PRMT7: variants seen among roughly 807,000 people sequenced by gnomAD.
PRMT7 encodes the protein protein arginine methyltransferase 7, also known as protein arginine N-methyltransferase 7.
In PRMT7, 75 loss-of-function variants were observed where a neutral mutation model predicts 85.4. That is an observed-to-expected ratio of 0.88 (90% CI 0.73 to 1.06). The LOEUF is 1.06. PRMT7 is among the 50% of genes least tolerant of loss of function. PRMT7 has a pLI of 0.00. For missense variants in PRMT7, 868 were observed against 915.2 expected (o/e 0.95, Z 0.67); for synonymous variants, 397 against 359.5 (o/e 1.10, Z -1.18).
downstream of PRMT7, chr16:68,360,806 C>T (rs1830109416): frequency 1.1e-5 from 2 of 182,648 alleles, no homozygotes; most frequent in African/African-American, 4.8e-5. Context: ...GGGCAGCGTG[C>T]ATGCGAGGGT....
intron 9 of PRMT7, among the ~76,000 whole-genome samples, chr16:68,343,125 A>T (rs1214417145): frequency 6.6e-6 from 1 of 151,984 alleles, no homozygotes; most frequent in African/African-American, 2.4e-5. Context: ...AATCACTTCA[A>T]CCTGGGAGGT....
At chr16:68,325,883 CTT>C (rs941811019) in intron 5 of PRMT7, among the ~76,000 whole-genome samples, 4 of 152,160 alleles carry the variant, frequency 2.6e-5, no homozygotes, top group Non-Finnish European at 4.4e-5. Context: ...AGCCTTGGGA[CTT>C]GGGAATGTGC....
intron 4 of PRMT7, chr16:68,324,171 A>T (rs1314398216): frequency 6.5e-6 from 1 of 154,982 alleles, no homozygotes; most frequent in Non-Finnish European, 1.4e-5. Context: ...GAAGATTAGG[A>T]TTTCCAGAAG....
chr16:68,345,234 G>T (rs1468252212), intron 9 of PRMT7, among the ~76,000 whole-genome samples: 2 of 152,202 alleles, frequency 1.3e-5, no homozygotes, highest in Non-Finnish European at 2.9e-5. Flanking sequence ...TGACTGTTTT[G>T]TAAATTCCGA....
At chr16:68,327,124 CG>C (rs1276938370) in intron 5 of PRMT7, among the ~76,000 whole-genome samples, 6 of 152,062 alleles carry the variant, frequency 3.9e-5, no homozygotes, top group African/African-American at 1.4e-4. Flanking sequence ...GAGCTGCTCA[CG>C]TAAGTACTCT....
At chr16:68,336,846 AG>A (rs1172242523) in intron 6 of PRMT7, among the ~76,000 whole-genome samples, 1 of 152,086 alleles carries the variant, frequency 6.6e-6, no homozygotes, top group Non-Finnish European at 1.5e-5. Flanking sequence ...TCTGCCTCCC[AG>A]GTTCAAGTGA....
intron 5 of PRMT7, among the ~76,000 whole-genome samples, chr16:68,326,828 T>C (rs2151515381): frequency 6.6e-6 from 1 of 152,276 alleles, no homozygotes; most frequent in African/African-American, 2.4e-5. Flanking sequence ...CTTGAGCTTC[T>C]TGATGGGCTG....
Position 68,339,383 on chromosome 16 carries a change from G to A in PRMT7, c.566G>A (p.Arg189Lys). 1.2e-6 allele frequency: 2 copies of A among 1,614,174 alleles called. No homozygotes were observed. The highest frequency in any genetic ancestry group is 1.7e-6 in the Non-Finnish European group (2 of 1,180,034). ...TVYAQLVESG[R>K]MWSWNKLFPI... ...TATGCACAGCTGGTGGAGTCCGGGA[G>A]GATGTGGTCGTGGAACAAGCTATTT... Residue 189 changes from arginine to lysine, a missense_variant, in exon 8 of 19, where the codon AGG (arginine) becomes AAG (lysine). Coordinates refer to ENST00000441236, the MANE Select transcript of PRMT7 (RefSeq NM_019023.5).
Position 68,339,365 on chromosome 16 carries a change from A to G in PRMT7, c.548A>G (p.Gln183Arg). The G allele has an allele frequency of 6.2e-7, 1 of 1,614,216 alleles. No homozygotes were observed. The highest frequency in any genetic ancestry group is 8.5e-7 in the Non-Finnish European group (1 of 1,180,030). The part of the protein sequence containing the change: ...AVPHRATVYA[Q>R]LVESGRMWSW... ...CCCCACAGAGCCACCGTCTATGCAC[A>G]GCTGGTGGAGTCCGGGAGGATGTGG... The change falls in exon 8 of 19, where the codon CAG becomes CGG. Residue 183 changes from glutamine (Q) to arginine (R), a missense_variant. Physicochemically the swap from Gln to Arg is conservative, Grantham distance 43. Coordinates refer to ENST00000441236, the MANE Select transcript of PRMT7 (RefSeq NM_019023.5).
intron 7 of PRMT7, 71 bp downstream of exon 7, chr16:68,337,642 C>T (rs949565916): frequency 6.9e-6 from 7 of 1,019,616 alleles, no homozygotes; most frequent in African/African-American, 3.2e-5. Flanking sequence ...ACTCATGCAC[C>T]GTGTCCCACA....
intron 17 of PRMT7, among the ~76,000 whole-genome samples, chr16:68,356,207 C>T (rs1234589862): frequency 6.6e-6 from 1 of 152,224 alleles, no homozygotes; most frequent in Non-Finnish European, 1.5e-5. Context: ...CTCCTGGGAG[C>T]TGAAGCAGGT....
intron 9 of PRMT7, among the ~76,000 whole-genome samples, chr16:68,344,404 GTC>G (rs1394472580): frequency 6.6e-6 from 1 of 152,112 alleles, no homozygotes; most frequent in Non-Finnish European, 1.5e-5. Context: ...CCTTTGTTTG[GTC>G]TCTCTCCAAA....
At chr16:68,338,789 C>G (rs1163714946) in intron 7 of PRMT7, among the ~76,000 whole-genome samples, 4 of 152,166 alleles carry the variant, frequency 2.6e-5, no homozygotes. Context: ...TGTGCTCTTG[C>G]CGGGTCCCTA....
At chr16:68,326,323 G>T (rs985714035) in intron 5 of PRMT7, among the ~76,000 whole-genome samples, 2 of 151,996 alleles carry the variant, frequency 1.3e-5, no homozygotes, top group African/African-American at 4.8e-5. Context: ...TCTATTCACC[G>T]CAACCTCCGC....
rs1355030817 is a variant in PRMT7 at position 68,347,749 on chromosome 16, C to T, written c.1323+71C>T. ...GTCTGGGTTGATGGCTTTGAAGTGG[C>T]ATTGGCCCCAGGGGAACAAAGGAGT... On this transcript the variant is annotated intron_variant, in intron 13 of 18. Coordinates refer to ENST00000441236, the MANE Select transcript of PRMT7 (RefSeq NM_019023.5). The T allele has an allele frequency of 2.1e-6, 3 of 1,434,874 alleles. No individual in the cohort carries two copies. The African/African-American group carries it at 4.2e-5, about 20-fold the overall frequency. The allele number at this position is 1,434,874 out of a possible 1,614,324, so 88.9% of individuals were successfully genotyped here.
downstream of PRMT7, chr16:68,358,756 T>C (rs1431468507): frequency 3.3e-5 from 5 of 152,480 alleles, no homozygotes; most frequent in African/African-American, 7.2e-5. Flanking sequence ...AGTCTTGGTA[T>C]GGGCCTCGGG....
chr16:68,331,289 T>C (rs1739629969), intron 6 of PRMT7, among the ~76,000 whole-genome samples: 1 of 152,200 alleles, frequency 6.6e-6, no homozygotes, highest in Non-Finnish European at 1.5e-5. Flanking sequence ...GGGTCCGTTC[T>C]TTTGTGTTAC....
chr16:68,312,411 A>AT (rs1183296391), intron 2 of PRMT7, among the ~76,000 whole-genome samples: 4 of 151,668 alleles, frequency 2.6e-5, no homozygotes, highest in African/African-American at 9.7e-5. Flanking sequence ...TTTTTTAAAA[A>AT]TTTTTTGTAG....
intron 14 of PRMT7, among the ~76,000 whole-genome samples, chr16:68,350,901 A>G (rs1431038261): frequency 6.6e-6 from 1 of 152,096 alleles, no homozygotes; most frequent in African/African-American, 2.4e-5. Flanking sequence ...TCAATACCTC[A>G]TTTCTCTTTC....
Sources: allele counts gnomAD v4.1 joint callset (sites outside exome capture counted in the v4.1 genomes callset), GRCh38; gene constraint gnomAD v4.1.1; transcripts MANE v1.5; gene names NCBI Gene and HGNC (gene_info 2026-07-23, HGNC 2026-07-21).